ZNF91: variants seen among roughly 807,000 people sequenced by gnomAD.
ZNF91 encodes zinc finger protein 91 (HPF7, HTF10).
ZNF91 carries 7 observed loss-of-function variants against 12.6 expected under a neutral mutation model. The ratio of observed to expected loss-of-function variants is 0.55; its 90% CI spans 0.31 to 1.04. The LOEUF is 1.04. Ranked by LOEUF, ZNF91 falls within the 50% of genes least tolerant of loss-of-function variation. The pLI is 0.05. For missense variants in ZNF91, 1,217 were observed against 1,385.4 expected (o/e 0.88, Z 1.93); for synonymous variants, 453 against 462.6 (o/e 0.98, Z 0.27).
chr19:23,376,939 T>TAA (rs1969524078), intron 1 of ZNF91, among the ~76,000 whole-genome samples: 1 of 152,132 alleles, frequency 6.6e-6, no homozygotes, highest in Non-Finnish European at 1.5e-5. Context: ...CCTTTAATAA[T>TAA]TTGAGCACAT....
At chr19:23,317,566 T>A (rs577624300) in intron 1 of ZNF91, among the ~76,000 whole-genome samples, 8 of 152,272 alleles carry the variant, frequency 5.3e-5, no homozygotes, top group Admixed American at 2.6e-4. Context: ...CAGGTGAGAT[T>A]TTGACTCTTG....
intron 1 of ZNF91, among the ~76,000 whole-genome samples, chr19:23,393,017 C>T (rs1246692582): frequency 6.6e-6 from 1 of 152,062 alleles, no homozygotes; most frequent in South Asian, 2.1e-4. Flanking sequence ...CAAGTTCTTA[C>T]GCCATCTAAC....
downstream of ZNF91, among the ~76,000 whole-genome samples, chr19:23,337,276 A>G (rs1194786032): frequency 6.6e-6 from 1 of 151,984 alleles, no homozygotes; most frequent in Non-Finnish European, 1.5e-5. Flanking sequence ...GAGCCAATAA[A>G]ACATTTGTTT....
At chr19:23,337,620 C>T (rs1968040366), downstream of ZNF91, among the ~76,000 whole-genome samples, 1 of 151,646 alleles carries the variant, frequency 6.6e-6, no homozygotes, top group Non-Finnish European at 1.5e-5. Flanking sequence ...CAAAGGAACA[C>T]AATAATTCTC....
At chr19:23,315,862 A>C (rs1214575520) in intron 1 of ZNF91, among the ~76,000 whole-genome samples, 3 of 152,164 alleles carry the variant, frequency 2.0e-5, no homozygotes, top group South Asian at 2.1e-4. Context: ...CCAGAACCTA[A>C]GTAATGTGAC....
Position 23,362,531 on chromosome 19 carries a change from G to C in ZNF91, c.448C>G (p.Gln150Glu). 1.2e-6 allele frequency: 2 copies of C among 1,601,952 alleles called. No homozygotes were observed. The highest frequency in any genetic ancestry group is 1.7e-6 in the Non-Finnish European group (2 of 1,175,200). The change falls in exon 4 of 4, where the codon CAG (glutamine) becomes GAG (glutamate). Residue 150 changes from glutamine to glutamate, a missense_variant. Physicochemically the swap from Gln to Glu is conservative, Grantham distance 29 (BLOSUM62 2). Transcript: ENST00000300619. ...NKLNQCLTTA[Q>E]SKVFQCGKYL... is the part of the protein sequence containing the mutation. Reference sequence around the variant, plus strand: ...TTCCCACATTGAAATACTTTGCTCTGGGCAGTTGTGAGACACTGGTTAAGT... The same window carrying C: ...TTCCCACATTGAAATACTTTGCTCTCGGCAGTTGTGAGACACTGGTTAAGT...
chr19:23,324,140 GTCC>G (rs1568368661), intron 1 of ZNF91: 2 of 139,058 alleles, frequency 1.4e-5, no homozygotes, highest in African/African-American at 2.8e-5. Context: ...TCCTCCTCTC[GTCC>G]TCTTCTCTTT....
intron 3 of ZNF91, among the ~76,000 whole-genome samples, chr19:23,365,650 G>C (rs1205900324): frequency 6.6e-6 from 1 of 151,638 alleles, no homozygotes; most frequent in African/African-American, 2.4e-5. Context: ...CAATAGTGAA[G>C]GGAAGGTCAG....
chr19:23,382,139 G>A (rs1258735780), intron 1 of ZNF91, among the ~76,000 whole-genome samples: 7 of 150,686 alleles, frequency 4.6e-5, no homozygotes, highest in Non-Finnish European at 7.4e-5. Context: ...AAATATATAC[G>A]TAATCTAAAT....
chr19:23,315,188 T>C (rs1967534124), upstream of ZNF91, among the ~76,000 whole-genome samples: 1 of 152,216 alleles, frequency 6.6e-6, no homozygotes, highest in Non-Finnish European at 1.5e-5. Flanking sequence ...AATGTTTCAA[T>C]GGATTCAAGA....
chr19:23,344,631 G>C (rs1298691408), intron 3 of ZNF91, among the ~76,000 whole-genome samples: 1 of 152,062 alleles, frequency 6.6e-6, no homozygotes, highest in Non-Finnish European at 1.5e-5. Context: ...GTTCTTCAGA[G>C]AGCTGATGAA....
intron 1 of ZNF91, among the ~76,000 whole-genome samples, chr19:23,394,785 TTTTC>T (rs1388331535): frequency 2.6e-5 from 4 of 152,174 alleles, no homozygotes; most frequent in Non-Finnish European, 4.4e-5. Context: ...CTGAATTTGG[TTTTC>T]TTTACCATGA....
At chr19:23,328,518 G>A (rs1417168746) in intron 1 of ZNF91, 3 of 152,204 alleles carry the variant, frequency 2.0e-5, no homozygotes, top group African/African-American at 7.2e-5. Flanking sequence ...TGACAGGAAT[G>A]ATGAAGTAGA....
rs920242946 is a variant in ZNF91, at chr19:23,395,412, G to A, written c.-58C>T. The stretch of plus-strand genomic sequence containing the variant: ...CAGGGCCACACAGGCTGGGCCTCCT[G>A]GAGCAGAGGACACAGAGCAGTGAAG... On this transcript the variant is annotated 5_prime_UTR_variant, in exon 1 of 4. Transcript: ENST00000300619. 22 of 1,601,072 alleles carry A rather than the reference G, an allele frequency of 1.4e-5. No homozygotes were observed. The highest frequency in any genetic ancestry group is 1.2e-4 in the Admixed American group (7 of 58,348).
At chr19:23,393,106 T>C (rs1970120862) in intron 1 of ZNF91, among the ~76,000 whole-genome samples, 1 of 151,920 alleles carries the variant, frequency 6.6e-6, no homozygotes, top group Admixed American at 6.6e-5. Flanking sequence ...TTCTAGAAAT[T>C]TTTTTACTAT....
intron 3 of ZNF91, among the ~76,000 whole-genome samples, chr19:23,346,981 CT>C (rs1476661566): frequency 6.6e-6 from 1 of 152,188 alleles, no homozygotes; most frequent in East Asian, 1.9e-4. Flanking sequence ...TGTATCAACA[CT>C]GTTCAAACCT....
At chr19:23,317,267 C>G (rs1599681946) in intron 1 of ZNF91, among the ~76,000 whole-genome samples, 1 of 152,188 alleles carries the variant, frequency 6.6e-6, no homozygotes, top group East Asian at 1.9e-4. Context: ...CTAGGATGGT[C>G]TCGATCTCCT....
At chr19:23,342,868 G>A (rs1968152848) in intron 3 of ZNF91, among the ~76,000 whole-genome samples, 2 of 151,672 alleles carry the variant, frequency 1.3e-5, no homozygotes, top group African/African-American at 4.8e-5. Flanking sequence ...GAATTCTATG[G>A]CCAAAGCCTT....
exon 2 of ZNF91, chr19:23,308,932 T>C (rs1967432205): frequency 6.6e-6 from 1 of 152,068 alleles, no homozygotes; most frequent in East Asian, 1.9e-4. Flanking sequence ...ACCTAAGTAA[T>C]GGTGACTCTC....
Sources: allele counts gnomAD v4.1 joint callset (sites outside exome capture counted in the v4.1 genomes callset), GRCh38; gene constraint gnomAD v4.1.1; transcripts MANE v1.5; gene names NCBI Gene and HGNC (gene_info 2026-07-23, HGNC 2026-07-21).